Variants in NBEA observed in about 807,000 individuals in gnomAD.
NBEA encodes neurobeachin, also known as lysosomal-trafficking regulator 2.
NBEA carries 44 observed loss-of-function variants against 343.4 expected under a neutral mutation model. The ratio of observed to expected loss-of-function variants is 0.13; its 90% CI spans 0.10 to 0.16. The LOEUF (loss-of-function observed/expected upper bound fraction) is 0.16. NBEA is among the 10% of genes least tolerant of loss of function. The pLI is 1.00. For missense variants in NBEA, 2,555 were observed against 3,631.3 expected (o/e 0.70, Z 7.62); for synonymous variants, 1,175 against 1,238.7 (o/e 0.95, Z 1.08).
chr13:35,593,336 C>T lies in NBEA; in HGVS notation c.7185C>T (p.Phe2395=). The change falls in exon 47 of 59, where the codon TTC becomes TTT. Residue 2395 remains phenylalanine, a synonymous_variant. Coordinates refer to ENST00000379939, the MANE Select transcript of NBEA (RefSeq NM_001385012.1). ...TCTGTTTTTTTGCTTAGGAACCTTT[C>T]ACAACCTTCTTCCTCAATGCAAATG... is the stretch of plus-strand genomic sequence containing the variant. ...TLSWLVRIEP[F]TTFFLNANDG... 1 of 1,612,374 alleles carries T rather than the reference C, an allele frequency of 6.2e-7. No individual in the cohort carries two copies. The highest frequency in any genetic ancestry group is 8.5e-7 in the Non-Finnish European group (1 of 1,178,892).
chr13:35,328,570 A>G (rs983875630), intron 36 of NBEA, among the ~76,000 whole-genome samples: 6 of 151,964 alleles, frequency 3.9e-5, no homozygotes, highest in African/African-American at 1.4e-4. Flanking sequence ...TGATGTGATT[A>G]TCATGCATTG....
chr13:35,642,582 C>T (rs1324597794), intron 49 of NBEA, among the ~76,000 whole-genome samples: 1 of 152,084 alleles, frequency 6.6e-6, no homozygotes, highest in Non-Finnish European at 1.5e-5. Flanking sequence ...TTCACAAGCC[C>T]CAAAGCATAT....
intron 38 of NBEA, among the ~76,000 whole-genome samples, chr13:35,427,125 TCTCAA>T: frequency 6.6e-6 from 1 of 152,240 alleles, no homozygotes; most frequent in East Asian, 1.9e-4. Flanking sequence ...AGCCTTCTTC[TCTCAA>T]CTCGTCAAAG....
At chr13:35,308,472 A>ATATATATGTGTATATATATG in intron 35 of NBEA, among the ~76,000 whole-genome samples, 1 of 98,460 alleles carries the variant, frequency 1.0e-5, no homozygotes, top group Non-Finnish European at 2.0e-5. Flanking sequence ...ATATATATAT[A>ATATATATGTGTATATATATG]TGTATATATA....
chr13:35,239,021 A>G (rs2075363827), intron 34 of NBEA, among the ~76,000 whole-genome samples: 1 of 152,146 alleles, frequency 6.6e-6, no homozygotes, highest in Non-Finnish European at 1.5e-5. Context: ...TTTAAAAATT[A>G]TAGACTAAAA....
intron 35 of NBEA, among the ~76,000 whole-genome samples, chr13:35,297,013 C>T (rs1337227697): frequency 6.6e-6 from 1 of 151,770 alleles, no homozygotes; most frequent in Non-Finnish European, 1.5e-5. Context: ...CAGCTTCCTC[C>T]AATAGTAACA....
At chr13:35,190,752 A>T (rs1292605803) in intron 30 of NBEA, among the ~76,000 whole-genome samples, 3 of 152,154 alleles carry the variant, frequency 2.0e-5, no homozygotes, top group Non-Finnish European at 4.4e-5. Context: ...ATAGGAAAGT[A>T]TGGTCAATAC....
In NBEA at chr13:35,628,226, T is replaced by A; in HGVS notation, c.7595T>A (p.Ile2532Asn). Residue 2532 changes from isoleucine (I) to asparagine (N), a missense_variant, in exon 49 of 59, where the codon ATC becomes AAC. Transcript: ENST00000379939. Reference sequence around the variant, plus strand: ...GAAGGCTCTGTGAACCTGGATAGTATCACTGATCCTGTGCTCAGGGAGGTA... The same window carrying A: ...GAAGGCTCTGTGAACCTGGATAGTAACACTGATCCTGTGCTCAGGGAGGTA... ...TYEGSVNLDSITDPVLREIPE... is the reference protein window; with the variant it reads ...TYEGSVNLDSNTDPVLREIPE... 3 of 1,609,188 alleles carry A rather than the reference T, an allele frequency of 1.9e-6. No homozygotes were observed. The South Asian group carries it at 3.3e-5, about 18-fold the overall frequency.
chr13:35,308,211 A>G (rs2037028005), intron 35 of NBEA, among the ~76,000 whole-genome samples: 1 of 151,540 alleles, frequency 6.6e-6, no homozygotes, highest in Non-Finnish European at 1.5e-5. Context: ...AAGGGTTGAT[A>G]CAGAGACTGT....
At chr13:35,416,089 C>G (rs2043888998) in intron 38 of NBEA, among the ~76,000 whole-genome samples, 1 of 152,068 alleles carries the variant, frequency 6.6e-6, no homozygotes, top group Non-Finnish European at 1.5e-5. Flanking sequence ...GATTTTGTAT[C>G]CTGAGACTTT....
chr13:34,967,334 T>G (rs1277473195), intron 1 of NBEA, among the ~76,000 whole-genome samples: 1 of 151,644 alleles, frequency 6.6e-6, no homozygotes, highest in Non-Finnish European at 1.5e-5. Flanking sequence ...TTAAGTACTA[T>G]TTTTTTCTTT....
At chr13:35,081,500 T>C (rs2064395140) in intron 10 of NBEA, among the ~76,000 whole-genome samples, 1 of 152,204 alleles carries the variant, frequency 6.6e-6, no homozygotes, top group African/African-American at 2.4e-5. Context: ...AATCTAAATA[T>C]TTATTAATGG....
chr13:34,977,601 G>A (rs919690779), intron 1 of NBEA, among the ~76,000 whole-genome samples: 3 of 152,066 alleles, frequency 2.0e-5, no homozygotes, highest in Non-Finnish European at 2.9e-5. Context: ...GAGCCACCAC[G>A]CTTGGCTGGA....
intron 27 of NBEA, among the ~76,000 whole-genome samples, chr13:35,174,647 A>C (rs1470481554): frequency 6.6e-6 from 1 of 152,092 alleles, no homozygotes; most frequent in Admixed American, 6.6e-5. Context: ...TTTACTGCTC[A>C]CAGGACTCCA....
At chr13:35,325,633 TATATG>T (rs1169241047) in intron 36 of NBEA, among the ~76,000 whole-genome samples, 2 of 151,972 alleles carry the variant, frequency 1.3e-5, no homozygotes, top group Non-Finnish European at 2.9e-5. Flanking sequence ...AATCTAGCAA[TATATG>T]AAAAGGATTA....
intron 1 of NBEA, among the ~76,000 whole-genome samples, chr13:35,009,300 G>A (rs999693658): frequency 3.9e-5 from 6 of 152,174 alleles, no homozygotes; most frequent in Admixed American, 2.6e-4. Context: ...GAAATACATA[G>A]TATGTCAAAA....
intron 8 of NBEA, among the ~76,000 whole-genome samples, chr13:35,059,129 T>A (rs905092035): frequency 9.2e-5 from 14 of 152,008 alleles, no homozygotes; most frequent in African/African-American, 3.4e-4. Flanking sequence ...AAAACTGTTT[T>A]GCTTAATGTA....
chr13:35,045,370 C>T lies in NBEA; in HGVS notation c.692C>T (p.Thr231Ile). ...ATGCCACAGAGACACGGTCCTGATA[C>T]TTTTTTCAATTTCCCTGGTTGTAGC... ...NQMPQRHGPD[T>I]FFNFPGCSAA... is the part of the protein sequence containing the mutation. The change falls in exon 4 of 59, where the codon ACT becomes ATT. Residue 231 changes from threonine (T) to isoleucine (I), a missense_variant. Thr to Ile is a moderately conservative substitution (Grantham distance 89). This residue lies in a region of NBEA where 185 missense variants were observed against 290.6 expected (regional missense o/e 0.64). Transcript: ENST00000379939. 1 of 1,611,942 alleles carries T rather than the reference C, an allele frequency of 6.2e-7. No homozygotes were observed. Among genetic ancestry groups the T allele is most frequent in the South Asian group, 1.1e-5 (1 of 90,714 alleles).
chr13:35,499,370 G>C (rs2076800884), intron 41 of NBEA, among the ~76,000 whole-genome samples: 1 of 152,042 alleles, frequency 6.6e-6, no homozygotes, highest in African/African-American at 2.4e-5. Context: ...CACATAATGA[G>C]TGACTGACTA....
Sources: allele counts gnomAD v4.1 joint callset (sites outside exome capture counted in the v4.1 genomes callset), GRCh38; gene constraint gnomAD v4.1.1; regional missense constraint gnomAD v4.1.1; transcripts MANE v1.5; gene names NCBI Gene and HGNC (gene_info 2026-07-23, HGNC 2026-07-21).